Variants in SLC39A14 observed in about 807,000 individuals in gnomAD.
SLC39A14 encodes the protein metal cation symporter ZIP14.
In SLC39A14, 19 loss-of-function variants were observed where a neutral mutation model predicts 45.5. The ratio of observed to expected loss-of-function variants is 0.42; its 90% CI spans 0.29 to 0.61. SLC39A14 has a LOEUF of 0.61. Ranked by LOEUF, SLC39A14 falls within the 20% of genes least tolerant of loss-of-function variation. The pLI, the probability that SLC39A14 is intolerant of heterozygous loss-of-function variation, is 0.22. For missense variants in SLC39A14, 447 were observed against 616.5 expected, an observed-to-expected ratio of 0.73 and a Z score of 2.91; for synonymous variants, 264 against 251.3, an observed-to-expected ratio of 1.05 and a Z score of -0.48.
chr8:22,380,914 C>T (rs1833471495), intron 1 of SLC39A14, among the ~76,000 whole-genome samples: 1 of 151,982 alleles, frequency 6.6e-6, no homozygotes. Flanking sequence ...TGGGCTCACA[C>T]AATCCACCCC....
At chr8:22,396,453 G>A (rs1586691024) in intron 1 of SLC39A14, among the ~76,000 whole-genome samples, 2 of 42 alleles carry the variant, frequency 0.048, 1 homozygote, top group Non-Finnish European at 0.091. Flanking sequence ...AGAGAGGGGG[G>A]GGAGAGAGAG....
chr8:22,410,005 C>T, intron 3 of SLC39A14: 2 of 1,614,140 alleles, frequency 1.2e-6, no homozygotes, highest in Non-Finnish European at 1.7e-6. Context: ...CCTGGGAGTC[C>T]TCGTCCTGCC....
At chr8:22,380,995 A>G (rs933371191) in intron 1 of SLC39A14, among the ~76,000 whole-genome samples, 1 of 149,074 alleles carries the variant, frequency 6.7e-6, no homozygotes, top group African/African-American at 2.5e-5. Flanking sequence ...TTTTTTTTAT[A>G]CAGAGTCTTG....
intron 1 of SLC39A14, among the ~76,000 whole-genome samples, chr8:22,401,328 G>T (rs78827509): frequency 1.3e-5 from 2 of 152,128 alleles, no homozygotes; most frequent in Non-Finnish European, 2.9e-5. Flanking sequence ...TCCGAGCCCT[G>T]GGTGCCTGGG....
At chr8:22,397,495 G>A (rs1018752405) in intron 1 of SLC39A14, among the ~76,000 whole-genome samples, 1 of 152,064 alleles carries the variant, frequency 6.6e-6, no homozygotes, top group Non-Finnish European at 1.5e-5. Context: ...GGAGAATGGC[G>A]TGAACCCGGG....
chr8:22,415,116 T>G, intron 5 of SLC39A14: 1 of 554,966 alleles, frequency 1.8e-6, no homozygotes, highest in Non-Finnish European at 3.1e-6. Context: ...CCAGGGTGCC[T>G]TCTACTAAGC....
rs1346885581 is a variant in SLC39A14 at position 22,412,068 on chromosome 8, C to T, written c.489C>T (p.Val163=). 6.4e-7 allele frequency: 1 copy of T among 1,551,632 alleles called. No homozygotes were observed. The highest frequency in any genetic ancestry group is 8.7e-7 in the Non-Finnish European group (1 of 1,147,014). Residue 163 remains valine (V), a synonymous_variant, in exon 4 of 9, where the codon GTC becomes GTT. Transcript: ENST00000381237. ...VWGYGLLCVT[V]ISLCSLLGAS... ...GATACGGTCTCCTCTGTGTGACCGTCATCTCCCTCTGCTCCCTCCTGGGGG... is the reference window on the plus strand; with the variant it reads ...GATACGGTCTCCTCTGTGTGACCGTTATCTCCCTCTGCTCCCTCCTGGGGG...
chr8:22,417,594 C>A, intron 7 of SLC39A14, 57 bp from the exon 8 acceptor site: 2 of 1,440,012 alleles, frequency 1.4e-6, no homozygotes, highest in South Asian at 2.5e-5. Context: ...GTGCATTCAC[C>A]ATGCCCATCT....
At chr8:22,376,655 A>G (rs921093549) in intron 1 of SLC39A14, among the ~76,000 whole-genome samples, 1 of 152,054 alleles carries the variant, frequency 6.6e-6, no homozygotes, top group Non-Finnish European at 1.5e-5. Flanking sequence ...CGAGGCAGGC[A>G]AAGGCCGACG....
At chr8:22,394,151 C>T (rs1267494106) in intron 1 of SLC39A14, among the ~76,000 whole-genome samples, 2 of 151,798 alleles carry the variant, frequency 1.3e-5, no homozygotes, top group Non-Finnish European at 2.9e-5. Context: ...GGACTACAGG[C>T]GTGCGCCACC....
chr8:22,402,135 A>G (rs1834905753), intron 1 of SLC39A14, among the ~76,000 whole-genome samples: 1 of 152,158 alleles, frequency 6.6e-6, no homozygotes, highest in Non-Finnish European at 1.5e-5. Flanking sequence ...TAATCCCAGC[A>G]CTTTGGGAGG....
At chr8:22,414,724 A>G in intron 4 of SLC39A14, 56 bp from the exon 5 acceptor site, 1 of 1,553,820 alleles carries the variant, frequency 6.4e-7, no homozygotes, top group East Asian at 2.3e-5. Context: ...TAAGAGGGGG[A>G]TCAGTAAAGA....
intron 3 of SLC39A14, among the ~76,000 whole-genome samples, chr8:22,410,429 C>T (rs896922867): frequency 5.9e-5 from 9 of 152,178 alleles, no homozygotes; most frequent in African/African-American, 1.9e-4. Flanking sequence ...TATCGACTGC[C>T]GTCCATGCCT....
chr8:22,373,468 ATC>A (rs1833041565), intron 1 of SLC39A14, among the ~76,000 whole-genome samples: 1 of 152,124 alleles, frequency 6.6e-6, no homozygotes, highest in Non-Finnish European at 1.5e-5. Flanking sequence ...AATTGAGCTA[ATC>A]TCTGAGACCA....
chr8:22,410,104 C>G (rs370383502), intron 3 of SLC39A14: 8 of 1,614,036 alleles, frequency 5.0e-6, no homozygotes, highest in Non-Finnish European at 6.8e-6. Flanking sequence ...GCTATTCCAG[C>G]TCATCCCAGA....
At chr8:22,395,033 C>T (rs1189333161) in intron 1 of SLC39A14, among the ~76,000 whole-genome samples, 1 of 148,998 alleles carries the variant, frequency 6.7e-6, no homozygotes, top group Non-Finnish European at 1.5e-5. Flanking sequence ...TTTTTTGAGA[C>T]AGAGTCTCAC....
At chr8:22,394,009 T>C (rs955408267) in intron 1 of SLC39A14, among the ~76,000 whole-genome samples, 6 of 125,026 alleles carry the variant, frequency 4.8e-5, no homozygotes, top group East Asian at 2.5e-4. Context: ...TCTGAAGGGG[T>C]GTTTTTTTTT....
intron 1 of SLC39A14, among the ~76,000 whole-genome samples, chr8:22,376,374 G>A (rs1833218453): frequency 1.3e-5 from 2 of 148,876 alleles, no homozygotes; most frequent in African/African-American, 5.0e-5. Flanking sequence ...GTAGAGACAG[G>A]GTTTCACCAT....
intron 1 of SLC39A14, among the ~76,000 whole-genome samples, chr8:22,389,630 C>G (rs982958254): frequency 1.3e-5 from 2 of 151,944 alleles, no homozygotes; most frequent in African/African-American, 4.8e-5. Flanking sequence ...AACACAAAGG[C>G]TAAAGGTCTG....
Sources: gnomAD v4.1 joint callset for allele counts (sites outside exome capture counted in the v4.1 genomes callset) on GRCh38, gnomAD v4.1.1 for gene constraint, MANE v1.5 for transcripts, NCBI Gene and HGNC (gene_info 2026-07-23, HGNC 2026-07-21) for gene names.